NCKAP5: variants seen among roughly 807,000 people sequenced by gnomAD.
NCKAP5 encodes nck-associated protein 5.
Under a neutral mutation model 167.0 loss-of-function variants are expected in NCKAP5, and 92 were observed. The ratio of observed to expected loss-of-function variants is 0.55; its 90% CI spans 0.47 to 0.66. The LOEUF (loss-of-function observed/expected upper bound fraction) is 0.66, where lower values mean the gene tolerates loss of function less well. Ranked by LOEUF, NCKAP5 falls within the 30% of genes least tolerant of loss-of-function variation. NCKAP5 has a pLI of 0.00. For synonymous variants in NCKAP5, 891 were observed against 877.4 expected (o/e 1.02, Z -0.27); for missense variants, 2,378 against 2,315.0 (o/e 1.03, Z -0.56).
At chr2:133,613,823 G>A in the NCKAP5 span, among the ~76,000 whole-genome samples, 20 of 152,172 alleles carry the variant, frequency 1.3e-4, no homozygotes, top group African/African-American at 3.4e-4. Flanking sequence ...GTGATTATAC[G>A]TGAGCTGTAA....
At position 133,412,815 on chromosome 2, in the gene NCKAP5, T is replaced by C. The variant is rs143081469; in HGVS notation, c.69+104643A>G. 1.7e-3 allele frequency among the ~76,000 whole-genome samples: 257 copies of C among 152,346 alleles called. 2 individuals are homozygous for C. The highest frequency in any genetic ancestry group is 5.9e-3 in the African/African-American group (244 of 41,582). ...ATGTCAAATATTTATTTAAAAAACC[T>C]CTGTAGTTGTAATCCTCAAACTATG... On this transcript the variant is annotated intron_variant, in intron 3 of 19. Transcript: ENST00000409261.
chr2:132,928,161 G>C (rs1304776803), intron 8 of NCKAP5, among the ~76,000 whole-genome samples: 1 of 152,112 alleles, frequency 6.6e-6, no homozygotes, highest in Non-Finnish European at 1.5e-5. Context: ...TAACTAACTG[G>C]ACTTGAATAA....
At chr2:133,049,406 G>A (rs991480498) in intron 6 of NCKAP5, among the ~76,000 whole-genome samples, 2 of 151,920 alleles carry the variant, frequency 1.3e-5, no homozygotes, top group South Asian at 2.1e-4. Context: ...TTAGCCAGGC[G>A]TGGTGGCAGG....
chr2:133,281,304 G>A (rs2089927022), intron 4 of NCKAP5, among the ~76,000 whole-genome samples: 1 of 152,052 alleles, frequency 6.6e-6, no homozygotes, highest in African/African-American at 2.4e-5. Flanking sequence ...ATTTCAAATT[G>A]TGCTTTGTGT....
intron 3 of NCKAP5, among the ~76,000 whole-genome samples, chr2:133,486,740 T>C (rs1460983853): frequency 2.0e-5 from 3 of 152,188 alleles, no homozygotes; most frequent in Admixed American, 6.5e-5. Flanking sequence ...GGCCAAGATT[T>C]TGATGTAACT....
chr2:133,227,736 A>G (rs909042713), intron 4 of NCKAP5, among the ~76,000 whole-genome samples: 2 of 152,154 alleles, frequency 1.3e-5, no homozygotes, highest in Non-Finnish European at 2.9e-5. Flanking sequence ...TTCCTTTCAG[A>G]GTCATTTTCA....
intron 3 of NCKAP5, among the ~76,000 whole-genome samples, chr2:133,496,436 T>G (rs1234820637): frequency 6.6e-6 from 1 of 152,228 alleles, no homozygotes; most frequent in Non-Finnish European, 1.5e-5. Context: ...TTTTTATTCC[T>G]CTTGATTTTG....
chr2:132,820,488 A>G (rs1471650630), intron 11 of NCKAP5, among the ~76,000 whole-genome samples: 3 of 151,958 alleles, frequency 2.0e-5, no homozygotes, highest in African/African-American at 7.3e-5. Context: ...TTGGCCTCCC[A>G]AAGTGCTGGG....
intron 3 of NCKAP5, chr2:133,433,435 G>T (rs1202248904): frequency 6.6e-6 from 1 of 152,152 alleles, no homozygotes; most frequent in Admixed American, 6.5e-5. Flanking sequence ...CTGTTCCAGG[G>T]ATCTCTTTAT....
At chr2:133,433,736 T>C (rs1213839016) in intron 3 of NCKAP5, 1 of 152,204 alleles carries the variant, frequency 6.6e-6, no homozygotes, top group Non-Finnish European at 1.5e-5. Context: ...ACTGATAGCG[T>C]AGGAGATAGA....
intron 3 of NCKAP5, among the ~76,000 whole-genome samples, chr2:133,415,573 G>C (rs1458159410): frequency 1.3e-5 from 2 of 152,222 alleles, no homozygotes; most frequent in Admixed American, 6.5e-5. Context: ...ATAGGTCAAA[G>C]GAGGCTCTGG....
chr2:132,673,427 C>A (rs1016028717), intron 19 of NCKAP5, 122 bp from the exon 20 acceptor site: 5 of 714,592 alleles, frequency 7.0e-6, no homozygotes, highest in Middle Eastern at 4.2e-4. Flanking sequence ...ACCTACAAGT[C>A]TTTAATAATC....
At chr2:133,599,179 T>G in the NCKAP5 span, among the ~76,000 whole-genome samples, 12 of 152,214 alleles carry the variant, frequency 7.9e-5, no homozygotes, top group African/African-American at 2.9e-4. Flanking sequence ...AAGGTTAAGA[T>G]TTCAACATGT....
the NCKAP5 span, among the ~76,000 whole-genome samples, chr2:133,642,521 G>A: frequency 6.6e-6 from 1 of 152,142 alleles, no homozygotes; most frequent in Non-Finnish European, 1.5e-5. Context: ...AGATGGGAGG[G>A]GAAGGAAAAT....
chr2:133,395,058 C>A (rs1043411476), intron 3 of NCKAP5, among the ~76,000 whole-genome samples: 3 of 152,146 alleles, frequency 2.0e-5, no homozygotes, highest in African/African-American at 7.2e-5. Context: ...TTATGAGACA[C>A]CAGTTAATAA....
chr2:133,001,215 C>CT (rs56110206), intron 6 of NCKAP5, among the ~76,000 whole-genome samples: 2,069 of 134,404 alleles, frequency 0.015, 21 homozygotes, highest in East Asian at 0.031. Flanking sequence ...CTTTGACTTA[C>CT]TTTTTTTTTT....
the NCKAP5 span, among the ~76,000 whole-genome samples, chr2:133,584,941 A>AAG: frequency 1.8e-5 from 2 of 113,812 alleles, no homozygotes; most frequent in Non-Finnish European, 1.8e-5. Flanking sequence ...AAAAAAAGAA[A>AAG]GAAGGAAGGA....
At chr2:133,626,692 T>A in the NCKAP5 span, among the ~76,000 whole-genome samples, 1 of 152,094 alleles carries the variant, frequency 6.6e-6, no homozygotes, top group Non-Finnish European at 1.5e-5. Flanking sequence ...TTATCTCTAA[T>A]GATATAATGT....
At chr2:133,599,981 G>T in the NCKAP5 span, among the ~76,000 whole-genome samples, 1 of 152,240 alleles carries the variant, frequency 6.6e-6, no homozygotes, top group African/African-American at 2.4e-5. Flanking sequence ...TTTCTGAAGA[G>T]CTGGGACTAG....
Sources: gnomAD v4.1 joint callset for allele counts (sites outside exome capture counted in the v4.1 genomes callset) on GRCh38, gnomAD v4.1.1 for gene constraint, MANE v1.5 for transcripts, NCBI Gene and HGNC (gene_info 2026-07-23, HGNC 2026-07-21) for gene names.